The following SCAF11 variants were observed in gnomAD, a reference collection of about 807,000 sequenced individuals.
SCAF11 encodes protein SCAF11.
SCAF11 carries 47 observed loss-of-function variants against 140.5 expected under a neutral mutation model. The ratio of observed to expected loss-of-function variants is 0.33; its 90% CI spans 0.26 to 0.43. The LOEUF (loss-of-function observed/expected upper bound fraction) is 0.43. Ranked by LOEUF, SCAF11 falls within the 20% of genes least tolerant of loss-of-function variation. SCAF11 has a pLI of 1.00. For synonymous variants in SCAF11, 557 were observed against 579.4 expected, an observed-to-expected ratio of 0.96 and a Z score of 0.55; for missense variants, 1,645 against 1,705.1, an observed-to-expected ratio of 0.96 and a Z score of 0.62.
chr12:45,987,239 A>G (rs1239283849), intron 1 of SCAF11, among the ~76,000 whole-genome samples: 1 of 152,204 alleles, frequency 6.6e-6, no homozygotes, highest in East Asian at 1.9e-4. Context: ...GCTATCTGAA[A>G]GCAAAAACAA....
Position 45,933,095 on chromosome 12 carries a change from A to C in SCAF11, c.734+36T>G, listed in dbSNP as rs763126683. On this transcript the variant is annotated intron_variant, in intron 9 of 14. Coordinates refer to ENST00000369367, the MANE Select transcript of SCAF11 (RefSeq NM_004719.3). ...CTAATGCTATCTTGTTCATGTTAGC[A>C]TGTAAACACCTGAGTAAATAATTTT... The C allele has an allele frequency of 2.9e-6, 4 of 1,367,034 alleles. No individual in the cohort carries two copies. In the East Asian group the frequency reaches 9.2e-5, roughly 31 times the overall value. The allele number at this position is 1,367,034 out of a possible 1,614,324, so 84.7% of individuals were successfully genotyped here.
rs771406614 is a variant in SCAF11, at chr12:45,926,838, C to T, written c.2863G>A (p.Gly955Ser). Residue 955 changes from glycine (G) to serine (S), a missense_variant, in exon 11 of 15, where the codon GGT becomes AGT. Physicochemically the swap from Gly to Ser is moderately conservative, Grantham distance 56 (BLOSUM62 0). Transcript: ENST00000369367. ...GAGTAACTATCTCTGTCAATTCTAC[C>T]AAATGATGAACTCTTACTTTTTGTT... ...CRTKSKSSSF[G>S]RIDRDSYSPR... The T allele has an allele frequency of 1.9e-6, 3 of 1,614,140 alleles. No individual in the cohort carries two copies. The South Asian group carries it at 3.3e-5, about 18-fold the overall frequency.
rs147402032 is a variant in SCAF11 at position 45,953,785 on chromosome 12, G to A, written c.220-2058C>T. ...CTCGAGCAAGTTACAGTCTCTCTGTGCCTCAGTAACCTTATTTGTGAAAAT... is the reference window on the plus strand; with the variant it reads ...CTCGAGCAAGTTACAGTCTCTCTGTACCTCAGTAACCTTATTTGTGAAAAT... On this transcript the variant is annotated intron_variant, in intron 3 of 14. Coordinates refer to ENST00000369367, the MANE Select transcript of SCAF11 (RefSeq NM_004719.3). 9 of 498,620 alleles carry A rather than the reference G, an allele frequency of 1.8e-5. No individual in the cohort carries two copies. In the African/African-American group the frequency reaches 1.8e-4, roughly 10 times the overall value. The allele number at this position is 498,620 out of a possible 1,614,324, so 30.9% of individuals were successfully genotyped here. A position where few individuals can be genotyped will look rare whatever the true frequency, so the allele number is the denominator to read the frequency against.
chr12:45,942,159 C>G (rs1945316624), intron 6 of SCAF11, among the ~76,000 whole-genome samples: 2 of 152,314 alleles, frequency 1.3e-5, no homozygotes, highest in Non-Finnish European at 2.9e-5. Flanking sequence ...TTCCAGTCAA[C>G]AGGAGGCTAT....
At chr12:45,939,547 A>C (rs1397722257) in intron 6 of SCAF11, among the ~76,000 whole-genome samples, 1 of 152,052 alleles carries the variant, frequency 6.6e-6, no homozygotes, top group East Asian at 1.9e-4. Flanking sequence ...AAAAATACAA[A>C]AGTAGCTGGG....
chr12:45,922,242 T>C (rs1944732421), intron 14 of SCAF11, 48 bp from the exon 15 acceptor site: 2 of 1,551,216 alleles, frequency 1.3e-6, no homozygotes, highest in African/African-American at 2.8e-5. Context: ...CTTAAAGGGA[T>C]TAAAGCCAAA....
intron 9 of SCAF11, among the ~76,000 whole-genome samples, chr12:45,932,533 T>C (rs993567913): frequency 6.6e-6 from 1 of 152,166 alleles, no homozygotes; most frequent in African/African-American, 2.4e-5. Flanking sequence ...AACTATATTA[T>C]AGTGACATAT....
chr12:45,949,548 T>A (rs992381172), intron 4 of SCAF11, among the ~76,000 whole-genome samples: 1 of 152,050 alleles, frequency 6.6e-6, no homozygotes, highest in Non-Finnish European at 1.5e-5. Flanking sequence ...GATGAAAGAA[T>A]AGGGGTCTAC....
At chr12:45,945,209 C>CAA in intron 6 of SCAF11, 40 bp downstream of exon 6, 7 of 1,225,122 alleles carry the variant, frequency 5.7e-6, no homozygotes, top group Non-Finnish European at 8.2e-6. Context: ...TAAAAAACAA[C>CAA]AAAAAAAAAG....
intron 1 of SCAF11, chr12:45,975,516 C>T (rs1360772783): frequency 5.4e-6 from 1 of 185,128 alleles, no homozygotes; most frequent in Non-Finnish European, 1.1e-5. Flanking sequence ...ATGGAGATGG[C>T]TTCTTTCCTT....
chr12:45,933,048 A>G (rs1359938742), intron 9 of SCAF11, 83 bp downstream of exon 9: 2 of 870,682 alleles, frequency 2.3e-6, no homozygotes, highest in African/African-American at 3.4e-5. Flanking sequence ...ACAATTGAAT[A>G]AGGTACCCTT....
At chr12:45,962,126 T>C (rs1945847160) in intron 2 of SCAF11, among the ~76,000 whole-genome samples, 1 of 152,136 alleles carries the variant, frequency 6.6e-6, no homozygotes, top group Non-Finnish European at 1.5e-5. Context: ...TAAGAGCAAA[T>C]TTCTCATTCA....
chr12:45,976,938 G>T (rs1424413019), intron 1 of SCAF11, among the ~76,000 whole-genome samples: 1 of 152,048 alleles, frequency 6.6e-6, no homozygotes, highest in East Asian at 1.9e-4. Context: ...TAAACCTCTT[G>T]CCAGACTGAT....
At chr12:45,973,007 T>TAGATATAGATATATAGATATAG (rs1357493912) in intron 1 of SCAF11, among the ~76,000 whole-genome samples, 1 of 137,976 alleles carries the variant, frequency 7.2e-6, no homozygotes, top group African/African-American at 2.7e-5. Flanking sequence ...TATAGATATA[T>TAGATATAGATATATAGATATAG]ATATAGATAT....
chr12:45,932,808 A>G (rs973741990), intron 9 of SCAF11, among the ~76,000 whole-genome samples: 6 of 152,136 alleles, frequency 3.9e-5, no homozygotes, highest in Non-Finnish European at 8.8e-5. Context: ...GCACGCAGGT[A>G]AGACTGGAAT....
chr12:45,926,452 G>GT lies in SCAF11; in HGVS notation c.3248dup (p.Tyr1083Ter). 1 of 1,614,164 alleles carries GT rather than the reference G, an allele frequency of 6.2e-7. No individual in the cohort carries two copies. The highest frequency in any genetic ancestry group is 8.5e-7 in the Non-Finnish European group (1 of 1,180,034). Residue 1083 changes from tyrosine (Y) to a stop codon, truncating the protein, a stop_gained and frameshift_variant, in exon 11 of 15, where the codon TAC (tyrosine) becomes TAAC (stop). Coordinates refer to ENST00000369367, the MANE Select transcript of SCAF11 (RefSeq NM_004719.3). LOFTEE classifies it high-confidence loss of function. ...GATCTTTATAGGCAAAACTACTTCT[G>GT]TAAGTGCCTCTGCCACGGTTGCCTC... is the stretch of plus-strand genomic sequence containing the variant. ...RGRGNRGRGT[Y>*]RSSFAYKDQN...
chr12:45,948,243 C>T (rs113074395), intron 5 of SCAF11, among the ~76,000 whole-genome samples, 194 bp downstream of exon 5: 2,934 of 152,166 alleles, frequency 0.019, 36 homozygotes, highest in South Asian at 0.034. Context: ...AGAACCAATT[C>T]TTCACCAAAA....
In SCAF11 at chr12:45,928,703, C is replaced by T; in HGVS notation, c.998G>A (p.Ser333Asn). 1 of 1,614,084 alleles carries T rather than the reference C, an allele frequency of 6.2e-7. No homozygotes were observed. The highest frequency in any genetic ancestry group is 8.5e-7 in the Non-Finnish European group (1 of 1,180,008). The change falls in exon 11 of 15, where the codon AGT (serine) becomes AAT (asparagine). Residue 333 changes from serine (S) to asparagine (N), a missense_variant. This residue lies in a region of SCAF11 where 1,582 missense variants were observed against 1,609.2 expected (regional missense o/e 0.98). Transcript: ENST00000369367. ...TGATATTGGGGATCTCTGAGACTGA[C>T]TGGCTGTTTCAGCTCTTGTGTTACG... ...STRNTRAETA[S>N]QSQRSPISDN...
At chr12:45,971,937 A>G (rs553720236) in intron 1 of SCAF11, among the ~76,000 whole-genome samples, 1 of 152,226 alleles carries the variant, frequency 6.6e-6, no homozygotes, top group South Asian at 2.1e-4. Flanking sequence ...ATGAAAACCA[A>G]TTTTCTGGCC....
Sources: allele counts gnomAD v4.1 joint callset (sites outside exome capture counted in the v4.1 genomes callset), GRCh38; gene constraint gnomAD v4.1.1; regional missense constraint gnomAD v4.1.1; transcripts MANE v1.5; gene names NCBI Gene and HGNC (gene_info 2026-07-23, HGNC 2026-07-21).